RPL23A: variants seen among roughly 807,000 people sequenced by gnomAD.
The protein encoded by RPL23A is large ribosomal subunit protein uL23.
Under a neutral mutation model 17.6 loss-of-function variants are expected in RPL23A, and 2 were observed. The observed-to-expected ratio is 0.11, with a 90% CI of 0.05 to 0.36. The LOEUF is 0.36. RPL23A is among the 10% of genes least tolerant of loss of function. The pLI is 1.00. For missense variants in RPL23A, 132 were observed against 194.4 expected, an observed-to-expected ratio of 0.68 and a Z score of 1.91; for synonymous variants, 65 against 74.3, an observed-to-expected ratio of 0.87 and a Z score of 0.65.
chr17:28,723,960 G>T lies in RPL23A; in HGVS notation c.*79G>T. On this transcript the variant is annotated 3_prime_UTR_variant, in exon 5 of 5. Coordinates refer to ENST00000422514, the MANE Select transcript of RPL23A (RefSeq NM_000984.6). ...TATACATGCCTGTCTGTCAATTTCT[G>T]GTTGGGCTGGGAGGCCACACACACA... 1 of 1,069,596 alleles carries T rather than the reference G, an allele frequency of 9.3e-7. No individual in the cohort carries two copies. The highest frequency in any genetic ancestry group is 2.5e-5 in the Admixed American group (1 of 40,596). The allele number at this position is 1,069,596 out of a possible 1,614,324, so 66.3% of individuals were successfully genotyped here.
At chr17:28,720,405 T>C (rs1466689004) in intron 1 of RPL23A, 1 of 1,593,692 alleles carries the variant, frequency 6.3e-7, no homozygotes, top group East Asian at 2.3e-5. Context: ...CCCGCCCCTC[T>C]CTCCGCAGCG....
chr17:28,722,871 G>A lies in RPL23A; in HGVS notation c.358G>A (p.Asp120Asn). 1 of 1,613,954 alleles carries A rather than the reference G, an allele frequency of 6.2e-7. No homozygotes were observed. The highest frequency in any genetic ancestry group is 8.5e-7 in the Non-Finnish European group (1 of 1,179,840). Reference sequence around the variant, plus strand: ...GGCTGTGAAGAAGCTGTATGACATTGATGTGGCCAAGGTCAACACCCTGAT... The same window carrying A: ...GGCTGTGAAGAAGCTGTATGACATTAATGTGGCCAAGGTCAACACCCTGAT... ...KQAVKKLYDI[D>N]VAKVNTLIRP... Residue 120 changes from aspartate to asparagine, a missense_variant, in exon 3 of 5, where the codon GAT becomes AAT. Asp to Asn is a conservative substitution (Grantham distance 23). Coordinates refer to ENST00000422514, the MANE Select transcript of RPL23A (RefSeq NM_000984.6).
At position 28,720,689 on chromosome 17, in the gene RPL23A, T is replaced by G. The variant is rs905829699; in HGVS notation, c.26-18T>G. The G allele has an allele frequency of 3.7e-6, 6 of 1,613,940 alleles. No individual in the cohort carries two copies. The African/African-American group carries it at 8.0e-5, about 22-fold the overall frequency. ...ATTTCTAAATCCCGCACCCACGTTT[T>G]CTTTCCTTTTCTCCCAGCTCCTGCC... On this transcript the variant is annotated intron_variant, in intron 1 of 4. Transcript: ENST00000422514.
At chr17:28,721,561 A>T (rs2034115430) in intron 2 of RPL23A, 1 of 152,316 alleles carries the variant, frequency 6.6e-6, no homozygotes, top group Non-Finnish European at 1.5e-5. Flanking sequence ...CATTATCTGT[A>T]TTTGGCAGTT....
rs779929249 is a variant in RPL23A at position 28,723,575 on chromosome 17, G to A, written c.391G>A (p.Asp131Asn). 6.2e-7 allele frequency: 1 copy of A among 1,613,400 alleles called. No individual in the cohort carries two copies. The highest frequency in any genetic ancestry group is 8.5e-7 in the Non-Finnish European group (1 of 1,179,346). The change falls in exon 4 of 5, where the codon GAT (aspartate) becomes AAT (asparagine). Residue 131 changes from aspartate (D) to asparagine (N), a missense_variant. This residue lies in a region of RPL23A where 69 missense variants were observed against 145.5 expected (regional missense o/e 0.47). Transcript: ENST00000422514. ...VAKVNTLIRP[D>N]GEKKAYVRLA... is the part of the protein sequence containing the mutation. ...AGGCTTCCTTCTCTACCCTAGGCCT[G>A]ATGGAGAGAAGAAGGCATATGTTCG...
At chr17:28,721,136 T>TGAGGTCAGGGGTTC (rs1168533811) in intron 2 of RPL23A, 1 of 396,210 alleles carries the variant, frequency 2.5e-6, no homozygotes, top group African/African-American at 2.1e-5. Context: ...GCGGATCACT[T>TGAGGTCAGGGGTTC]GAGGTCAGGG....
At chr17:28,723,398 G>T in intron 3 of RPL23A, 173 bp from the exon 4 acceptor site, 2 of 769,412 alleles carry the variant, frequency 2.6e-6, no homozygotes, top group South Asian at 1.4e-5. Flanking sequence ...TCCCATAAGA[G>T]AATTGGCTTT....
At chr17:28,722,936 C>G (rs1307829322) in intron 3 of RPL23A, 37 bp downstream of exon 3, 10 of 1,589,502 alleles carry the variant, frequency 6.3e-6, no homozygotes, top group Non-Finnish European at 8.6e-6. Flanking sequence ...GCAGGCTGGA[C>G]CAGCAGTCTG....
chr17:28,722,768 T>C lies in RPL23A; in HGVS notation c.255T>C (p.Ser85=). The change falls in exon 3 of 5, where the codon TCT becomes TCC. Residue 85 remains serine, a synonymous_variant. Coordinates refer to ENST00000422514, the MANE Select transcript of RPL23A (RefSeq NM_000984.6). ...AIIKFPLTTE[S]AMKKIEDNNT... The stretch of plus-strand genomic sequence containing the variant: ...TCAAGTTTCCGCTGACCACTGAGTC[T>C]GCCATGAAGAAGATAGAAGACAACA... The C allele has an allele frequency of 6.2e-7, 1 of 1,614,016 alleles. No homozygotes were observed. Among genetic ancestry groups the C allele is most frequent in the Non-Finnish European group, 8.5e-7 (1 of 1,179,916 alleles).
At chr17:28,722,362 T>C (rs1178293364) in intron 2 of RPL23A, 7 of 357,096 alleles carry the variant, frequency 2.0e-5, no homozygotes, top group Non-Finnish European at 3.3e-5. Flanking sequence ...TATTTTTAGT[T>C]GAGAGGGAGT....
At chr17:28,720,440 A>T (rs770009120) in intron 1 of RPL23A, 11 of 1,611,734 alleles carry the variant, frequency 6.8e-6, no homozygotes, top group Admixed American at 5.0e-5. Context: ...GGTATGTGTA[A>T]AATTCGTAGG....
intron 2 of RPL23A, among the ~76,000 whole-genome samples, chr17:28,722,236 ACT>A (rs1276893270): frequency 2.6e-5 from 3 of 114,874 alleles, no homozygotes; most frequent in South Asian, 3.7e-4. Context: ...GCGAAGCGAG[ACT>A]CTGTCTCAAA....
rs571107785 is a variant in RPL23A, at chr17:28,723,760, C to G, written c.457-107C>G. On this transcript the variant is annotated intron_variant, in intron 4 of 4. Coordinates refer to ENST00000422514, the MANE Select transcript of RPL23A (RefSeq NM_000984.6). ...ATAATTAACTGACTGCACCCCTATCCTTGACAAACCTTATCCTCACATTCC... is the reference window on the plus strand; with the variant it reads ...ATAATTAACTGACTGCACCCCTATCGTTGACAAACCTTATCCTCACATTCC... The G allele has an allele frequency of 7.3e-6, 10 of 1,378,480 alleles. No individual in the cohort carries two copies. In the African/African-American group the frequency reaches 9.9e-5, roughly 14 times the overall value. 85.4% of individuals were successfully genotyped at this position (1,378,480 alleles called of 1,614,324 possible).
At position 28,720,719 on chromosome 17, in the gene RPL23A, C is replaced by G. The variant is rs138140695; in HGVS notation, c.38C>G (p.Pro13Arg). The G allele has an allele frequency of 1.9e-6, 3 of 1,614,068 alleles. No individual in the cohort carries two copies. Among genetic ancestry groups the G allele is most frequent in the Non-Finnish European group, 2.5e-6 (3 of 1,179,962 alleles). Residue 13 changes from proline to arginine, a missense_variant, in exon 2 of 5, where the codon CCT becomes CGT. Physicochemically the swap from Pro to Arg is moderately radical, Grantham distance 103. Transcript: ENST00000422514. ...PKAKKEAPAP[P>R]KAEAKAKALK... ...CCTTTTCTCCCAGCTCCTGCCCCTC[C>G]TAAAGCTGAAGCCAAAGCGAAGGCT... is the stretch of plus-strand genomic sequence containing the variant.
chr17:28,720,964 G>A (rs2034103911), intron 2 of RPL23A, 74 bp downstream of exon 2: 1 of 1,329,130 alleles, frequency 7.5e-7, no homozygotes, highest in African/African-American at 1.5e-5. Context: ...CACTCACTCT[G>A]CGTGATGGTT....
At position 28,724,089 on chromosome 17, in the gene RPL23A, A is replaced by G. The variant is rs530154271; in HGVS notation, c.*208A>G. On this transcript the variant is annotated 3_prime_UTR_variant, in exon 5 of 5. Transcript: ENST00000422514. Reference sequence around the variant, plus strand: ...TATGATCATTCCAGAGATCTTTGTGACTAGAGTTAGTGTCCTAGGAAAACC... The same window carrying G: ...TATGATCATTCCAGAGATCTTTGTGGCTAGAGTTAGTGTCCTAGGAAAACC... 8.7e-5 allele frequency: 46 copies of G among 529,802 alleles called. No homozygotes were observed. In the African/African-American group the frequency reaches 8.8e-4, roughly 10 times the overall value. 32.8% of individuals were successfully genotyped at this position (529,802 alleles called of 1,614,324 possible). A position where few individuals can be genotyped will look rare whatever the true frequency, so the allele number is the denominator to read the frequency against.
chr17:28,720,586 T>G, intron 1 of RPL23A, 121 bp from the exon 2 acceptor site: 2 of 1,377,798 alleles, frequency 1.5e-6, no homozygotes, highest in South Asian at 2.3e-5. Flanking sequence ...TCCTGACACT[T>G]GTGATGTCTT....
At chr17:28,722,181 G>A (rs749627371) in intron 2 of RPL23A, among the ~76,000 whole-genome samples, 7 of 151,642 alleles carry the variant, frequency 4.6e-5, no homozygotes, top group African/African-American at 7.3e-5. Flanking sequence ...CCCAGGAGGC[G>A]GAGCTTGCAG....
chr17:28,722,375 C>G (rs1162149019), intron 2 of RPL23A: 22 of 374,132 alleles, frequency 5.9e-5, no homozygotes, highest in South Asian at 4.1e-4. Context: ...GAGGGAGTTT[C>G]ACCATGTTGG....
Sources: gnomAD v4.1 joint callset for allele counts (sites outside exome capture counted in the v4.1 genomes callset) on GRCh38, gnomAD v4.1.1 for gene constraint, gnomAD v4.1.1 regional missense constraint, MANE v1.5 for transcripts, NCBI Gene and HGNC (gene_info 2026-07-23, HGNC 2026-07-21) for gene names.